SHISA9: variants seen among roughly 807,000 people sequenced by gnomAD.
SHISA9 encodes the protein shisa family member 9.
In SHISA9, 13 loss-of-function variants were observed where a neutral mutation model predicts 38.0. That is an observed-to-expected ratio of 0.34 (90% CI 0.22 to 0.54). The LOEUF (loss-of-function observed/expected upper bound fraction) is 0.54, where lower values mean the gene tolerates loss of function less well. Ranked by LOEUF, SHISA9 falls within the 20% of genes least tolerant of loss-of-function variation. The pLI is 0.91. For synonymous variants in SHISA9, 275 were observed against 242.0 expected, an observed-to-expected ratio of 1.14 and a Z score of -1.27; for missense variants, 538 against 575.8, an observed-to-expected ratio of 0.93 and a Z score of 0.67.
At chr16:13,394,688 C>G in the SHISA9 span, among the ~76,000 whole-genome samples, 1 of 152,170 alleles carries the variant, frequency 6.6e-6, no homozygotes, top group African/African-American at 2.4e-5. Flanking sequence ...TCTCTTTGTG[C>G]CGTGTTCTTC....
chr16:13,438,897 T>C, the SHISA9 span, among the ~76,000 whole-genome samples: 1 of 152,170 alleles, frequency 6.6e-6, no homozygotes, highest in Non-Finnish European at 1.5e-5. Context: ...CAGCTGTCTC[T>C]GATAATGAGA....
intron 4 of SHISA9, among the ~76,000 whole-genome samples, chr16:13,233,309 AGAAG>A (rs34532600): frequency 6.6e-5 from 10 of 151,442 alleles, no homozygotes; most frequent in African/African-American, 9.7e-5. Flanking sequence ...AGAGAGAGGA[AGAAG>A]GAAGGAAGGA....
the SHISA9 span, among the ~76,000 whole-genome samples, chr16:13,496,117 GTTTCAGCA>G: frequency 3.9e-5 from 6 of 152,208 alleles, no homozygotes; most frequent in South Asian, 1.2e-3. Flanking sequence ...ACATGATAAG[GTTTCAGCA>G]TTTCAAAGAT....
chr16:13,039,593 A>G (rs1395194519), intron 2 of SHISA9, among the ~76,000 whole-genome samples: 1 of 151,118 alleles, frequency 6.6e-6, no homozygotes, highest in Non-Finnish European at 1.5e-5. Flanking sequence ...CCCTTATTAC[A>G]TTACCCTCTG....
At chr16:13,065,005 A>G (rs2073418671) in intron 2 of SHISA9, among the ~76,000 whole-genome samples, 1 of 152,104 alleles carries the variant, frequency 6.6e-6, no homozygotes, top group Non-Finnish European at 1.5e-5. Flanking sequence ...GTGACATGGG[A>G]TCAGAGACCC....
At chr16:13,486,023 G>A in the SHISA9 span, among the ~76,000 whole-genome samples, 1 of 152,098 alleles carries the variant, frequency 6.6e-6, no homozygotes, top group Non-Finnish European at 1.5e-5. Context: ...CATACTGTCT[G>A]CCTAGACACC....
chr16:13,213,357 A>G, intron 4 of SHISA9, 57 bp downstream of exon 4: 1 of 1,485,082 alleles, frequency 6.7e-7, no homozygotes, highest in South Asian at 1.2e-5. Flanking sequence ...TTAGCATTAA[A>G]TAATGAAGGG....
chr16:13,259,184 A>G, the SHISA9 span, among the ~76,000 whole-genome samples: 1 of 152,196 alleles, frequency 6.6e-6, no homozygotes, highest in African/African-American at 2.4e-5. Context: ...GGGCCCATGC[A>G]AGTTCGAAAT....
the SHISA9 span, among the ~76,000 whole-genome samples, chr16:13,479,409 T>C: frequency 6.6e-6 from 1 of 152,314 alleles, no homozygotes; most frequent in East Asian, 1.9e-4. Flanking sequence ...TTGATTTTGC[T>C]GAGGCTGATA....
the SHISA9 span, among the ~76,000 whole-genome samples, chr16:13,273,312 A>T: frequency 2.0e-5 from 3 of 152,154 alleles, no homozygotes; most frequent in African/African-American, 4.8e-5. Context: ...AACCCCTGAT[A>T]TGGTTTGGCT....
the SHISA9 span, among the ~76,000 whole-genome samples, chr16:13,335,855 C>G: frequency 1.3e-5 from 2 of 152,106 alleles, no homozygotes; most frequent in East Asian, 1.9e-4. Flanking sequence ...CCTTGTACCC[C>G]CTGGTGTCTA....
intron 2 of SHISA9, among the ~76,000 whole-genome samples, chr16:13,093,200 C>T (rs1051229055): frequency 3.9e-5 from 6 of 152,046 alleles, no homozygotes; most frequent in Non-Finnish European, 7.3e-5. Context: ...TGAGTCTTGG[C>T]CCAGGGCTTT....
intron 2 of SHISA9, among the ~76,000 whole-genome samples, chr16:12,977,515 G>A (rs546326168): frequency 4.4e-4 from 67 of 152,238 alleles, no homozygotes; most frequent in African/African-American, 1.4e-3. Context: ...ATATATGCGC[G>A]TGTATGTTCA....
intron 2 of SHISA9, among the ~76,000 whole-genome samples, chr16:12,974,134 G>A (rs2072122770): frequency 6.6e-6 from 1 of 152,112 alleles, no homozygotes; most frequent in Admixed American, 6.5e-5. Flanking sequence ...GGAGTTCCAA[G>A]GTCCCTAGAG....
the SHISA9 span, among the ~76,000 whole-genome samples, chr16:13,420,556 G>A: frequency 6.6e-6 from 1 of 152,104 alleles, no homozygotes; most frequent in Non-Finnish European, 1.5e-5. Flanking sequence ...GTGGGGGATG[G>A]GGGGTAAGGA....
the SHISA9 span, among the ~76,000 whole-genome samples, chr16:13,505,201 G>T: frequency 6.6e-6 from 1 of 152,210 alleles, no homozygotes; most frequent in Non-Finnish European, 1.5e-5. Flanking sequence ...AAGATAGATT[G>T]CACCTTGCTG....
rs372286181 is a variant in SHISA9 at position 13,187,328 on chromosome 16, C to CTTTTTT, written c.692-16047_692-16042dup. Among the ~76,000 whole-genome samples the CTTTTTT allele has an allele frequency of 2.8e-3, 258 of 90,660 alleles. 2 individuals carry two copies. The highest frequency in any genetic ancestry group is 0.012 in the East Asian group (28 of 2,282). The allele number at this position is 90,660 out of a possible 152,430, so 59.5% of individuals were successfully genotyped here. ...GAGAAGGCTTCTTTTCTTTTCTTTT[C>CTTTTTT]TTTTTTTTTTTTTTTTTTTTTTTTG... On this transcript the variant is annotated intron_variant, in intron 2 of 4. Coordinates refer to ENST00000558583, the MANE Select transcript of SHISA9 (RefSeq NM_001145204.3).
At chr16:13,442,063 A>C in the SHISA9 span, among the ~76,000 whole-genome samples, 7 of 152,224 alleles carry the variant, frequency 4.6e-5, no homozygotes, top group Non-Finnish European at 8.8e-5. Context: ...TGTTGGCAAG[A>C]AGCAGCCAGT....
the SHISA9 span, among the ~76,000 whole-genome samples, chr16:13,421,927 T>A: frequency 6.6e-6 from 1 of 152,226 alleles, no homozygotes; most frequent in Non-Finnish European, 1.5e-5. Context: ...GCTAACTCCC[T>A]GGTGACGAGC....
Sources: gnomAD v4.1 joint callset for allele counts (sites outside exome capture counted in the v4.1 genomes callset) on GRCh38, gnomAD v4.1.1 for gene constraint, MANE v1.5 for transcripts, NCBI Gene and HGNC (gene_info 2026-07-23, HGNC 2026-07-21) for gene names.